The following MRC2 variants were observed in gnomAD, a reference collection of about 807,000 sequenced individuals.
MRC2 encodes mannose receptor C-type 2, also known as C-type mannose receptor 2.
In MRC2, 84 loss-of-function variants were observed where a neutral mutation model predicts 206.2. The ratio of observed to expected loss-of-function variants is 0.41; its 90% CI spans 0.34 to 0.49. MRC2 has a LOEUF of 0.49. Ranked by LOEUF, MRC2 falls within the 20% of genes least tolerant of loss-of-function variation. The probability of loss-of-function intolerance (pLI) is 0.31; values close to 1 mark genes in which losing one functional copy is unlikely to be tolerated. For missense variants in MRC2, 1,676 were observed against 2,001.5 expected (o/e 0.84, Z 3.10); for synonymous variants, 798 against 800.0 (o/e 1.00, Z 0.04).
In MRC2 at chr17:62,659,207, A is replaced by G. The variant is rs141911588; in HGVS notation, c.119-5341A>G. On this transcript the variant is annotated intron_variant, in intron 1 of 29. Transcript: ENST00000303375. ...TCCCTAATGACCTAAGCACCTCCCA[A>G]AGGTCTCACATCCTAATGCCATCAC... Among the ~76,000 whole-genome samples, 1,312 of 152,134 alleles carry G rather than the reference A, an allele frequency of 8.6e-3. 26 individuals carry two copies. The highest frequency in any genetic ancestry group is 0.03 in the African/African-American group (1,249 of 41,504).
chr17:62,692,013 A>C lies in MRC2; in HGVS notation c.4193-99A>C. ...GGGGAACTAGAGCCTCTTTCTCCCC[A>C]GACCTCCCGGCCCAGGCCTGTGTGC... On this transcript the variant is annotated intron_variant, in intron 28 of 29. Transcript: ENST00000303375. The surrounding 1 kb of genome is among the most constrained non-coding windows in gnomAD (Gnocchi z 4.2). The C allele has an allele frequency of 6.5e-7, 1 of 1,532,116 alleles. No homozygotes were observed. The highest frequency in any genetic ancestry group is 9.0e-7 in the Non-Finnish European group (1 of 1,113,124). 94.9% of individuals were successfully genotyped at this position (1,532,116 alleles called of 1,614,324 possible).
chr17:62,638,929 TAAAAC>T (rs2088363393), intron 1 of MRC2, among the ~76,000 whole-genome samples: 1 of 150,128 alleles, frequency 6.7e-6, no homozygotes, highest in South Asian at 2.1e-4. Flanking sequence ...AAAAGCAAAA[TAAAAC>T]AAAAATAAAT....
rs575361004 is a variant in MRC2, at chr17:62,671,570, G to A, written c.1118-79G>A. 3.3e-5 allele frequency: 46 copies of A among 1,386,426 alleles called. No individual in the cohort carries two copies. The highest frequency in any genetic ancestry group is 4.4e-5 in the Non-Finnish European group (45 of 1,028,796). 85.9% of individuals were successfully genotyped at this position (1,386,426 alleles called of 1,614,324 possible). A position where few individuals can be genotyped will look rare whatever the true frequency, so the allele number is the denominator to read the frequency against. The stretch of plus-strand genomic sequence containing the variant: ...AGGAGGTGACTGGGAGGCCTCGCCT[G>A]TGTTGACGTCAACCCAGTGGGTTGG... On this transcript the variant is annotated intron_variant, in intron 6 of 29. Coordinates refer to ENST00000303375, the MANE Select transcript of MRC2 (RefSeq NM_006039.5). This position sits in a 1 kb window ranked among gnomAD's most constrained non-coding sequence, Gnocchi z 4.5.
Position 62,666,681 on chromosome 17 carries a change from G to T in MRC2, c.859+62G>T, listed in dbSNP as rs1174500196. ...GGGCCCGGGCCCTTTCCGCTTGTGGGTTGGGGAGAGGGCGATGGGGAGCGG... is the reference window on the plus strand; with the variant it reads ...GGGCCCGGGCCCTTTCCGCTTGTGGTTTGGGGAGAGGGCGATGGGGAGCGG... On this transcript the variant is annotated intron_variant, in intron 4 of 29. Transcript: ENST00000303375. The surrounding 1 kb of genome is among the most constrained non-coding windows in gnomAD (Gnocchi z 5.0). The T allele has an allele frequency of 1.3e-5, 20 of 1,557,842 alleles. No individual in the cohort carries two copies. The highest frequency in any genetic ancestry group is 1.7e-5 in the Non-Finnish European group (20 of 1,148,636).
chr17:62,674,333 C>T (rs1032571245), intron 9 of MRC2, among the ~76,000 whole-genome samples, 163 bp downstream of exon 9: 4 of 152,168 alleles, frequency 2.6e-5, no homozygotes, highest in Non-Finnish European at 4.4e-5. Context: ...AGGAGTGATA[C>T]TGGATGGGAT....
chr17:62,664,466 A>G lies in MRC2; in HGVS notation c.119-82A>G. On this transcript the variant is annotated intron_variant, in intron 1 of 29. Transcript: ENST00000303375. The surrounding 1 kb of genome is among the most constrained non-coding windows in gnomAD (Gnocchi z 4.7). ...CACCATCCTGCACTGGGCACATGGT[A>G]GGTGCCTGTCAGCCACACCGGTCAT... 6.9e-7 allele frequency: 1 copy of G among 1,439,898 alleles called. No homozygotes were observed. The highest frequency in any genetic ancestry group is 9.4e-7 in the Non-Finnish European group (1 of 1,059,068). 89.2% of individuals were successfully genotyped at this position (1,439,898 alleles called of 1,614,324 possible). A position where few individuals can be genotyped will look rare whatever the true frequency, so the allele number is the denominator to read the frequency against.
rs1444210774 is a variant in MRC2 at position 62,667,449 on chromosome 17, G to A, written c.1033G>A (p.Gly345Ser). The A allele has an allele frequency of 4.3e-6, 7 of 1,612,830 alleles. No homozygotes were observed. Among genetic ancestry groups the A allele is most frequent in the Non-Finnish European group, 4.2e-6 (5 of 1,179,792 alleles). Residue 345 changes from glycine (G) to serine (S), a missense_variant, in exon 6 of 30, where the codon GGC (glycine) becomes AGC (serine). By Grantham distance (56) the Gly-to-Ser change is moderately conservative. Coordinates refer to ENST00000303375, the MANE Select transcript of MRC2 (RefSeq NM_006039.5). The surrounding 1 kb of genome is among the most constrained non-coding windows in gnomAD (Gnocchi z 4.1). ...CGVIRTESSG[G>S]WQNRDCSIAL... is the part of the protein sequence containing the mutation. ...AGTGATCCGCACTGAGTCCTCGGGCGGCTGGCAGAACCGTGACTGCAGCAT... is the reference window on the plus strand; with the variant it reads ...AGTGATCCGCACTGAGTCCTCGGGCAGCTGGCAGAACCGTGACTGCAGCAT...
Position 62,681,916 on chromosome 17 carries a change from G to A in MRC2, c.2782G>A (p.Val928Met), listed in dbSNP as rs2088972800. ...GCCTGTCGGCAAGGACAAGAAGTGC[G>A]TGTACATGACAGCCAGCCGAGGTGA... ...PRPVGKDKKC[V>M]YMTASREDWG... The change falls in exon 19 of 30, where the codon GTG becomes ATG. Residue 928 changes from valine (V) to methionine (M), a missense_variant. Coordinates refer to ENST00000303375, the MANE Select transcript of MRC2 (RefSeq NM_006039.5). 5.0e-6 allele frequency: 8 copies of A among 1,613,872 alleles called. No homozygotes were observed. Among genetic ancestry groups the A allele is most frequent in the Non-Finnish European group, 6.8e-6 (8 of 1,179,950 alleles).
rs1385793182 is a variant in MRC2 at position 62,666,406 on chromosome 17, C to A, written c.695-49C>A. 6.2e-7 allele frequency: 1 copy of A among 1,611,684 alleles called. No homozygotes were observed. The highest frequency in any genetic ancestry group is 8.5e-7 in the Non-Finnish European group (1 of 1,179,444). ...TTTTGGTGGGGGAGGGTCTGCACTC[C>A]CGAGGGACCCTGGAGGGGGCCTGAA... On this transcript the variant is annotated intron_variant, in intron 3 of 29. Transcript: ENST00000303375. This position sits in a 1 kb window ranked among gnomAD's most constrained non-coding sequence, Gnocchi z 5.0.
chr17:62,659,254 C>T (rs1392394996), intron 1 of MRC2, among the ~76,000 whole-genome samples: 2 of 152,120 alleles, frequency 1.3e-5, no homozygotes, highest in African/African-American at 2.4e-5. Context: ...AAGATTTCAA[C>T]ACAGGCCGGG....
chr17:62,689,549 C>T lies in MRC2; in HGVS notation c.3362C>T (p.Ala1121Val). The T allele has an allele frequency of 1.9e-6, 3 of 1,589,982 alleles. No homozygotes were observed. The highest frequency in any genetic ancestry group is 1.7e-6 in the Non-Finnish European group (2 of 1,167,686). Residue 1121 changes from alanine (A) to valine (V), a missense_variant, in exon 24 of 30, where the codon GCG becomes GTG. By Grantham distance (64) the Ala-to-Val change is moderately conservative. Coordinates refer to ENST00000303375, the MANE Select transcript of MRC2 (RefSeq NM_006039.5). ...TDPSLSPSPA[A>V]LPPAPGTELS... is the part of the protein sequence containing the mutation. ...CCCTCCCTGAGCCCGTCCCCAGCAG[C>T]GCTGCCCCCCGCCCCGGGCACTGAG... is the stretch of plus-strand genomic sequence containing the variant.
rs1309596700 is a variant in MRC2 at position 62,652,446 on chromosome 17, G to T, written c.119-12102G>T. Among the ~76,000 whole-genome samples the T allele has an allele frequency of 6.6e-6, 1 of 152,250 alleles. No individual in the cohort carries two copies. Among genetic ancestry groups the T allele is most frequent in the Non-Finnish European group, 1.5e-5 (1 of 68,052 alleles). Reference sequence around the variant, plus strand: ...CTCTGCCTCCGCCCCCGCGCTCCGGGTCCCATTCCCGAATTCTGCCCTCAG... The same window carrying T: ...CTCTGCCTCCGCCCCCGCGCTCCGGTTCCCATTCCCGAATTCTGCCCTCAG... On this transcript the variant is annotated intron_variant, in intron 1 of 29. Coordinates refer to ENST00000303375, the MANE Select transcript of MRC2 (RefSeq NM_006039.5). This position sits in a 1 kb window ranked among gnomAD's most constrained non-coding sequence, Gnocchi z 4.6.
At chr17:62,679,193 A>G (rs1248594304) in intron 13 of MRC2, among the ~76,000 whole-genome samples, 2 of 152,190 alleles carry the variant, frequency 1.3e-5, no homozygotes, top group Non-Finnish European at 2.9e-5. Flanking sequence ...GGGCTTCCTG[A>G]TAGCTTAATT....
rs2088835625 is a variant in MRC2 at position 62,672,280 on chromosome 17, C to T, written c.1461+128C>T. ...GAACCTCTTACCTCTCAGCAGTCCC[C>T]CTCCTCCCCACCAATGCCTTCCCTT... On this transcript the variant is annotated intron_variant, in intron 8 of 29. Coordinates refer to ENST00000303375, the MANE Select transcript of MRC2 (RefSeq NM_006039.5). This position sits in a 1 kb window ranked among gnomAD's most constrained non-coding sequence, Gnocchi z 4.5. 2 of 1,075,918 alleles carry T rather than the reference C, an allele frequency of 1.9e-6. No homozygotes were observed. The highest frequency in any genetic ancestry group is 5.1e-5 in the East Asian group (2 of 39,488). 66.6% of individuals were successfully genotyped at this position (1,075,918 alleles called of 1,614,324 possible).
At chr17:62,646,264 T>G (rs2088484225) in intron 1 of MRC2, among the ~76,000 whole-genome samples, 2 of 152,118 alleles carry the variant, frequency 1.3e-5, no homozygotes, top group Admixed American at 6.6e-5. Context: ...GACCTCGTGA[T>G]CCACCTGCCT....
intron 28 of MRC2, among the ~76,000 whole-genome samples, chr17:62,691,583 A>G (rs947967739): frequency 1.4e-4 from 22 of 152,242 alleles, no homozygotes; most frequent in African/African-American, 5.3e-4. Context: ...CAGCCTGGCC[A>G]ACATGGTGAA....
At chr17:62,688,169 G>C (rs879476979) in intron 20 of MRC2, 120 bp from the exon 21 acceptor site, 4 of 777,448 alleles carry the variant, frequency 5.1e-6, no homozygotes, top group African/African-American at 1.7e-5. Context: ...CTCAGATACT[G>C]TTCTCTCCCG....
rs778289569 is a variant in MRC2, at chr17:62,680,465, C to T, written c.2473+12C>T. On this transcript the variant is annotated intron_variant, in intron 16 of 29. Transcript: ENST00000303375. The surrounding 1 kb of genome is among the most constrained non-coding windows in gnomAD (Gnocchi z 4.8). ...CGACAGCCCTCAAGGTGAGCACCCC[C>T]CAGCCCATCCCGCTACCCATCGCGT... The T allele has an allele frequency of 1.2e-6, 2 of 1,613,918 alleles. No individual in the cohort carries two copies. Among genetic ancestry groups the T allele is most frequent in the Non-Finnish European group, 1.7e-6 (2 of 1,179,982 alleles).
At chr17:62,656,822 C>G (rs186168266) in intron 1 of MRC2, among the ~76,000 whole-genome samples, 1 of 152,312 alleles carries the variant, frequency 6.6e-6, no homozygotes, top group Admixed American at 6.5e-5. Context: ...AGGAAAGAGC[C>G]TCAGGGATTC....
Sources: allele counts gnomAD v4.1 joint callset (sites outside exome capture counted in the v4.1 genomes callset), GRCh38; gene constraint gnomAD v4.1.1; non-coding constraint Gnocchi (gnomAD v3.1); transcripts MANE v1.5; gene names NCBI Gene and HGNC (gene_info 2026-07-23, HGNC 2026-07-21).